GPR137C: variants seen among roughly 807,000 people sequenced by gnomAD.
GPR137C encodes the protein integral membrane protein GPR137C.
In GPR137C, 27 loss-of-function variants were observed where a neutral mutation model predicts 43.4. The ratio of observed to expected loss-of-function variants is 0.62; its 90% CI spans 0.46 to 0.86. The LOEUF is 0.86. GPR137C is among the 40% of genes least tolerant of loss of function. The pLI, the probability that GPR137C is intolerant of heterozygous loss-of-function variation, is 0.00. For synonymous variants in GPR137C, 285 were observed against 226.9 expected (o/e 1.26, Z -2.30); for missense variants, 522 against 534.6 (o/e 0.98, Z 0.23).
intron 1 of GPR137C, among the ~76,000 whole-genome samples, chr14:52,555,632 A>G (rs2038180934): frequency 6.6e-6 from 1 of 152,200 alleles, no homozygotes; most frequent in Admixed American, 6.5e-5. Context: ...AAAATCTGAA[A>G]GTCTTCCTGT....
intron 3 of GPR137C, among the ~76,000 whole-genome samples, chr14:52,616,068 C>T (rs2039095466): frequency 6.6e-6 from 1 of 152,070 alleles, no homozygotes; most frequent in Admixed American, 6.5e-5. Flanking sequence ...AATATGTTTT[C>T]TCAAGTACTG....
Position 52,598,380 on chromosome 14 carries a change from G to C in GPR137C, c.488+65G>C, listed in dbSNP as rs1400936827. ...TAAAGCATTAATTCATTAATATTAA[G>C]GCTTAGTATCTAAAAGATCTAATTT... On this transcript the variant is annotated intron_variant, in intron 2 of 6. Transcript: ENST00000321662. The C allele has an allele frequency of 6.0e-6, 4 of 666,302 alleles. No individual in the cohort carries two copies. The East Asian group carries it at 1.2e-4, about 20-fold the overall frequency. The allele number at this position is 666,302 out of a possible 1,614,324, so 41.3% of individuals were successfully genotyped here.
intron 1 of GPR137C, among the ~76,000 whole-genome samples, chr14:52,590,742 G>A (rs2038771411): frequency 6.6e-6 from 1 of 152,260 alleles, no homozygotes; most frequent in Admixed American, 6.5e-5. Context: ...ATACCATATG[G>A]CCTAGGTATG....
In GPR137C at chr14:52,600,335, A is replaced by T. The variant is rs2038909421; in HGVS notation, c.711A>T (p.Glu237Asp). The T allele has an allele frequency of 1.3e-6, 2 of 1,549,744 alleles. No homozygotes were observed. Among genetic ancestry groups the T allele is most frequent in the East Asian group, 4.5e-5 (2 of 44,346 alleles). Residue 237 changes from glutamate to aspartate, a missense_variant, in exon 3 of 7, where the codon GAA (glutamate) becomes GAT (aspartate). Around this residue, in one of 3 missense-constraint regions of GPR137C, gnomAD observed 437 missense variants for 425.7 expected, o/e 1.03. Transcript: ENST00000321662. ...TKMSSANVYL[E>D]SKGMSLCQTV... is the part of the protein sequence containing the mutation. ...TGTCATCAGCTAATGTCTACCTCGA[A>T]TCAAAGGTAAGAATATTTCTTAAAT...
At chr14:52,605,902 A>G (rs2038978695) in intron 3 of GPR137C, among the ~76,000 whole-genome samples, 1 of 152,204 alleles carries the variant, frequency 6.6e-6, no homozygotes, top group Non-Finnish European at 1.5e-5. Flanking sequence ...CAATTTGATC[A>G]TGGCAAATGA....
At chr14:52,561,224 A>G (rs2038278657) in intron 1 of GPR137C, among the ~76,000 whole-genome samples, 1 of 152,218 alleles carries the variant, frequency 6.6e-6, no homozygotes, top group Non-Finnish European at 1.5e-5. Context: ...ATTAATTGGA[A>G]CTCCTACACT....
At chr14:52,577,358 A>G (rs1398318735) in intron 1 of GPR137C, among the ~76,000 whole-genome samples, 1 of 152,076 alleles carries the variant, frequency 6.6e-6, no homozygotes, top group Non-Finnish European at 1.5e-5. Context: ...AGGGAAGTTT[A>G]TAGTGTTAAA....
intron 3 of GPR137C, among the ~76,000 whole-genome samples, chr14:52,630,019 A>G (rs1315866130): frequency 1.3e-5 from 2 of 152,114 alleles, no homozygotes; most frequent in Non-Finnish European, 2.9e-5. Context: ...TATTTTAGGA[A>G]GGTTTTCTTC....
intron 1 of GPR137C, among the ~76,000 whole-genome samples, chr14:52,576,086 C>T (rs890736211): frequency 2.0e-5 from 3 of 152,188 alleles, no homozygotes; most frequent in Non-Finnish European, 4.4e-5. Flanking sequence ...CCCAAGGCTG[C>T]ACCGTAACTC....
Position 52,634,979 on chromosome 14 carries a change from C to G in GPR137C, c.1154C>G (p.Thr385Ser). 1.2e-6 allele frequency: 2 copies of G among 1,612,496 alleles called. No individual in the cohort carries two copies. The highest frequency in any genetic ancestry group is 1.1e-5 in the South Asian group (1 of 90,818). Reference sequence around the variant, plus strand: ...AGTTTGGGCTGGTATGGCACCATGACTGGGTGTGGCAGCAGCAGTTACACA... The same window carrying G: ...AGTTTGGGCTGGTATGGCACCATGAGTGGGTGTGGCAGCAGCAGTTACACA... ...SQSLGWYGTM[T>S]GCGSSSYTVT... is the part of the protein sequence containing the mutation. Residue 385 changes from threonine (T) to serine (S), a missense_variant, in exon 7 of 7, where the codon ACT becomes AGT. Coordinates refer to ENST00000321662, the MANE Select transcript of GPR137C (RefSeq NM_001099652.2).
intron 1 of GPR137C, among the ~76,000 whole-genome samples, chr14:52,554,099 T>G (rs763889220): frequency 4.6e-5 from 7 of 152,212 alleles, no homozygotes; most frequent in Non-Finnish European, 8.8e-5. Flanking sequence ...TATTCCCTCC[T>G]GCATCTCCTT....
chr14:52,566,904 G>T (rs1048213715), intron 1 of GPR137C, among the ~76,000 whole-genome samples: 1 of 152,196 alleles, frequency 6.6e-6, no homozygotes, highest in African/African-American at 2.4e-5. Flanking sequence ...CTGAGGTCAG[G>T]AGTTTGAGAC....
At chr14:52,614,051 T>G (rs1360300490) in intron 3 of GPR137C, among the ~76,000 whole-genome samples, 2 of 152,168 alleles carry the variant, frequency 1.3e-5, no homozygotes, top group Non-Finnish European at 2.9e-5. Flanking sequence ...CCCATTTCAC[T>G]GGGATGAGAT....
At chr14:52,559,850 T>C (rs1480043466) in intron 1 of GPR137C, among the ~76,000 whole-genome samples, 1 of 152,112 alleles carries the variant, frequency 6.6e-6, no homozygotes, top group Non-Finnish European at 1.5e-5. Flanking sequence ...AGAAAACAAT[T>C]AGAAAAATGA....
intron 1 of GPR137C, among the ~76,000 whole-genome samples, chr14:52,571,360 A>G (rs2038465566): frequency 6.6e-6 from 1 of 152,210 alleles, no homozygotes; most frequent in Non-Finnish European, 1.5e-5. Context: ...AATTTATAGC[A>G]CTAAATGCCC....
intron 1 of GPR137C, among the ~76,000 whole-genome samples, chr14:52,560,891 C>T (rs2038272661): frequency 6.6e-6 from 1 of 152,078 alleles, no homozygotes; most frequent in African/African-American, 2.4e-5. Flanking sequence ...AAATTTAAAA[C>T]TTTTGTTTTT....
At chr14:52,594,236 A>G (rs1566614767) in intron 1 of GPR137C, among the ~76,000 whole-genome samples, 1 of 152,160 alleles carries the variant, frequency 6.6e-6, no homozygotes, top group Non-Finnish European at 1.5e-5. Flanking sequence ...GGAGTGTTTC[A>G]CTTCCAATTA....
chr14:52,609,300 A>G (rs561598039), intron 3 of GPR137C, among the ~76,000 whole-genome samples: 1 of 152,154 alleles, frequency 6.6e-6, no homozygotes, highest in Non-Finnish European at 1.5e-5. Flanking sequence ...TCTTTGATAT[A>G]TTCCTCATTT....
intron 3 of GPR137C, among the ~76,000 whole-genome samples, chr14:52,610,970 A>C (rs1215458779): frequency 6.6e-6 from 1 of 152,180 alleles, no homozygotes; most frequent in African/African-American, 2.4e-5. Flanking sequence ...TTTAATTTAC[A>C]TGGATATGTT....
Sources: allele counts gnomAD v4.1 joint callset (sites outside exome capture counted in the v4.1 genomes callset), GRCh38; gene constraint gnomAD v4.1.1; regional missense constraint gnomAD v4.1.1; transcripts MANE v1.5; gene names NCBI Gene and HGNC (gene_info 2026-07-23, HGNC 2026-07-21).